The following KHDRBS2 variants were observed in gnomAD, a reference collection of about 807,000 sequenced individuals.
KHDRBS2 encodes the protein KH domain-containing, RNA-binding, signal transduction-associated protein 2.
In KHDRBS2, 26 loss-of-function variants were observed where a neutral mutation model predicts 44.3. That is an observed-to-expected ratio of 0.59 (90% CI 0.43 to 0.81). KHDRBS2 has a LOEUF of 0.81. Among genes scored for constraint, KHDRBS2 ranks in the 40% least tolerant of loss-of-function variants. KHDRBS2 has a pLI of 0.00. For synonymous variants in KHDRBS2, 194 were observed against 151.1 expected, an observed-to-expected ratio of 1.28 and a Z score of -2.08; for missense variants, 476 against 433.1, an observed-to-expected ratio of 1.10 and a Z score of -0.88.
chr6:61,907,642 A>G (rs1805273659), intron 4 of KHDRBS2, among the ~76,000 whole-genome samples: 2 of 152,320 alleles, frequency 1.3e-5, no homozygotes, highest in South Asian at 4.1e-4. Flanking sequence ...CAGTTTTCCC[A>G]GCAACATTTA....
chr6:61,816,499 A>T, intron 6 of KHDRBS2: 1 of 292,830 alleles, frequency 3.4e-6, no homozygotes, highest in East Asian at 9.1e-5. Flanking sequence ...AGTCAGGGAG[A>T]GGCAAGGAAA....
intron 2 of KHDRBS2, among the ~76,000 whole-genome samples, chr6:62,091,680 C>T (rs1386173275): frequency 6.6e-6 from 1 of 151,968 alleles, no homozygotes; most frequent in Admixed American, 6.6e-5. Context: ...GAAAAAGTAT[C>T]AAAATTTACA....
At chr6:61,842,122 C>T (rs1053635093) in intron 6 of KHDRBS2, among the ~76,000 whole-genome samples, 1 of 152,140 alleles carries the variant, frequency 6.6e-6, no homozygotes, top group African/African-American at 2.4e-5. Flanking sequence ...TACTTTCCTG[C>T]TGGATCTTAA....
At chr6:61,743,899 G>A (rs13207617) in intron 6 of KHDRBS2, among the ~76,000 whole-genome samples, 1 of 150,566 alleles carries the variant, frequency 6.6e-6, no homozygotes, top group Non-Finnish European at 1.5e-5. Context: ...TTGTCCTTGC[G>A]ATAGTTTGCT....
intron 1 of KHDRBS2, among the ~76,000 whole-genome samples, chr6:62,211,567 T>C (rs1829048243): frequency 6.6e-6 from 1 of 152,212 alleles, no homozygotes; most frequent in African/African-American, 2.4e-5. Flanking sequence ...ACTAATTACT[T>C]GTGATGATGA....
At chr6:62,173,048 C>A (rs1562999655) in intron 2 of KHDRBS2, among the ~76,000 whole-genome samples, 2 of 151,626 alleles carry the variant, frequency 1.3e-5, no homozygotes, top group Non-Finnish European at 2.9e-5. Flanking sequence ...AAGAGCAAAC[C>A]AACATCAAAG....
chr6:62,085,635 T>A (rs1798243486), intron 2 of KHDRBS2, among the ~76,000 whole-genome samples: 1 of 152,092 alleles, frequency 6.6e-6, no homozygotes, highest in South Asian at 2.1e-4. Flanking sequence ...TCCATGAATC[T>A]TAGCTCTTAG....
chr6:62,157,877 C>T (rs555536058), intron 2 of KHDRBS2, among the ~76,000 whole-genome samples: 1 of 152,230 alleles, frequency 6.6e-6, no homozygotes, highest in African/African-American at 2.4e-5. Context: ...ATAGCTTCCC[C>T]CTTTTCTTCA....
chr6:61,673,480 A>C, the KHDRBS2 span, among the ~76,000 whole-genome samples: 1 of 150,370 alleles, frequency 6.7e-6, no homozygotes, highest in Non-Finnish European at 1.5e-5. Flanking sequence ...GAGGAAGTCA[A>C]ATTGTCCCTG....
the KHDRBS2 span, among the ~76,000 whole-genome samples, chr6:61,595,129 A>T: frequency 6.6e-6 from 1 of 152,144 alleles, no homozygotes; most frequent in South Asian, 2.1e-4. Flanking sequence ...TAAAATTCTT[A>T]TTAAAAATCA....
At chr6:61,728,101 G>GCAGC (rs1773868051) in intron 7 of KHDRBS2, among the ~76,000 whole-genome samples, 1 of 151,746 alleles carries the variant, frequency 6.6e-6, no homozygotes, top group Middle Eastern at 3.2e-3. Flanking sequence ...GGAATACTAT[G>GCAGC]CAGCCATAAA....
chr6:61,547,442 T>C, the KHDRBS2 span, among the ~76,000 whole-genome samples: 1 of 152,142 alleles, frequency 6.6e-6, no homozygotes, highest in Non-Finnish European at 1.5e-5. Flanking sequence ...AACATTTCCA[T>C]ACTTCTTAAA....
At chr6:61,788,955 A>C (rs1255732198) in intron 6 of KHDRBS2, among the ~76,000 whole-genome samples, 2 of 151,432 alleles carry the variant, frequency 1.3e-5, no homozygotes, top group African/African-American at 4.8e-5. Flanking sequence ...AAGTGTTAAT[A>C]GTAAGATTTC....
chr6:62,035,070 T>C (rs1050189954), intron 3 of KHDRBS2, among the ~76,000 whole-genome samples: 47 of 152,108 alleles, frequency 3.1e-4, no homozygotes, highest in African/African-American at 1.1e-3. Flanking sequence ...CCATTATGTA[T>C]AACAGTTTGG....
intron 6 of KHDRBS2, among the ~76,000 whole-genome samples, chr6:61,858,792 C>T (rs1304518931): frequency 4.0e-5 from 6 of 151,832 alleles, no homozygotes; most frequent in Non-Finnish European, 5.9e-5. Context: ...AAGATACTAA[C>T]TTTACAATGT....
chr6:61,607,520 C>CAAAAAAAAAA, the KHDRBS2 span, among the ~76,000 whole-genome samples: 656 of 41,064 alleles, frequency 0.016, 182 homozygotes, highest in Middle Eastern at 0.091. Context: ...GAGTTCCAAG[C>CAAAAAAAAAA]AAAAAAAAAA....
intron 2 of KHDRBS2, among the ~76,000 whole-genome samples, chr6:62,155,321 T>C (rs1201254836): frequency 6.6e-6 from 1 of 152,160 alleles, no homozygotes; most frequent in African/African-American, 2.4e-5. Flanking sequence ...TAAAATCAAT[T>C]GGGTTTGAAT....
intron 6 of KHDRBS2, among the ~76,000 whole-genome samples, chr6:61,813,011 C>G (rs1014139030): frequency 1.3e-5 from 2 of 151,586 alleles, no homozygotes; most frequent in African/African-American, 4.8e-5. Flanking sequence ...TAGTTTGCAA[C>G]AAATAAAAAG....
At chr6:62,146,732 C>G (rs1041281) in intron 2 of KHDRBS2, among the ~76,000 whole-genome samples, 77,050 of 151,364 alleles carry the variant, frequency 0.51, 19,954 homozygotes, top group Non-Finnish European at 0.55. Flanking sequence ...GAAAGCTGTC[C>G]CTTAAATAGC....
Sources: allele counts gnomAD v4.1 joint callset (sites outside exome capture counted in the v4.1 genomes callset), GRCh38; gene constraint gnomAD v4.1.1; transcripts MANE v1.5; gene names NCBI Gene and HGNC (gene_info 2026-07-23, HGNC 2026-07-21).